PCDH15: variants seen among roughly 807,000 people sequenced by gnomAD.
The protein encoded by PCDH15 is protocadherin related 15.
A neutral mutation model predicts 178.5 loss-of-function variants in PCDH15; 129 were observed. That is an observed-to-expected ratio of 0.72 (90% CI 0.63 to 0.84). The LOEUF is 0.84. PCDH15 is among the 40% of genes least tolerant of loss of function. The pLI is 0.00. For missense variants in PCDH15, 2,230 were observed against 2,099.9 expected, an observed-to-expected ratio of 1.06 and a Z score of -1.21; for synonymous variants, 800 against 732.0, an observed-to-expected ratio of 1.09 and a Z score of -1.50.
At chr10:54,811,025 T>A (rs534032694) in intron 3 of PCDH15, among the ~76,000 whole-genome samples, 1 of 152,208 alleles carries the variant, frequency 6.6e-6, no homozygotes, top group Admixed American at 6.5e-5. Context: ...AGTAATCCAT[T>A]ATGCATCTAT....
At chr10:54,046,008 A>C (rs2093647364) in intron 18 of PCDH15, among the ~76,000 whole-genome samples, 1 of 152,278 alleles carries the variant, frequency 6.6e-6, no homozygotes, top group African/African-American at 2.4e-5. Flanking sequence ...AAGAAAACAC[A>C]TTTACTCCAA....
chr10:55,345,961 CA>C (rs2131960643), intron 2 of PCDH15, among the ~76,000 whole-genome samples: 1 of 152,000 alleles, frequency 6.6e-6, no homozygotes, highest in African/African-American at 2.4e-5. Flanking sequence ...AACCTATGAA[CA>C]AACACTGGTA....
intron 1 of PCDH15, among the ~76,000 whole-genome samples, chr10:55,176,941 C>T: frequency 6.6e-6 from 1 of 152,094 alleles, no homozygotes; most frequent in African/African-American, 2.4e-5. Flanking sequence ...TCTCTTTATC[C>T]ACAATTTAAA....
intron 1 of PCDH15, among the ~76,000 whole-genome samples, chr10:55,278,901 C>T (rs1222184601): frequency 2.0e-5 from 3 of 152,230 alleles, no homozygotes; most frequent in Middle Eastern, 3.4e-3. Context: ...GTGTACAAAG[C>T]CTCAGGCAAA....
intron 2 of PCDH15, among the ~76,000 whole-genome samples, chr10:55,345,393 G>A (rs1239928783): frequency 6.6e-6 from 1 of 151,824 alleles, no homozygotes; most frequent in Non-Finnish European, 1.5e-5. Context: ...CTCTCAAAGT[G>A]CCATCCATCA....
intron 25 of PCDH15, among the ~76,000 whole-genome samples, chr10:53,913,915 C>A (rs573670370): frequency 3.3e-5 from 5 of 152,096 alleles, no homozygotes; most frequent in South Asian, 2.1e-4. Context: ...ACAAACTTAC[C>A]AGAAAAAATC....
chr10:53,808,456 A>C (rs2075739361), intron 37 of PCDH15: 12 of 1,305,898 alleles, frequency 9.2e-6, no homozygotes, highest in Non-Finnish European at 1.2e-5. Flanking sequence ...AGCTGATTGC[A>C]TGTGTTCTGA....
At chr10:53,877,869 C>T (rs7073930) in intron 26 of PCDH15, among the ~76,000 whole-genome samples, 96,753 of 151,852 alleles carry the variant, frequency 0.64, 31,530 homozygotes, top group Middle Eastern at 0.78. Flanking sequence ...GCCAAGCTTA[C>T]ACTGGCCAAT....
chr10:54,806,840 G>C (rs1342842560), intron 3 of PCDH15, among the ~76,000 whole-genome samples: 1 of 152,076 alleles, frequency 6.6e-6, no homozygotes, highest in Non-Finnish European at 1.5e-5. Context: ...AGGCATTAGC[G>C]GCTCCTCTTA....
intron 28 of PCDH15, among the ~76,000 whole-genome samples, chr10:53,841,492 C>T (rs1038022146): frequency 6.6e-6 from 1 of 151,974 alleles, no homozygotes; most frequent in Non-Finnish European, 1.5e-5. Flanking sequence ...AAAGTATATT[C>T]CCTTAAGAGT....
At position 55,442,164 on chromosome 10, in the gene PCDH15, G is replaced by A. The variant is rs186310113; in HGVS notation, c.-156+185461C>T. 5.9e-5 allele frequency among the ~76,000 whole-genome samples: 9 copies of A among 152,002 alleles called. No individual in the cohort carries two copies. In the East Asian group the frequency reaches 1.7e-3, roughly 29 times the overall value. On this transcript the variant is annotated intron_variant, in intron 2 of 5. Transcript: ENST00000613346. ...AGGAAACTAATAGGTACCTAACCCT[G>A]CGAAAAGTGGAAAGAAAAGAGAACT...
At chr10:54,556,626 C>CT (rs34614504) in intron 2 of PCDH15, among the ~76,000 whole-genome samples, 164 of 133,420 alleles carry the variant, frequency 1.2e-3, no homozygotes, top group African/African-American at 4.1e-3. Flanking sequence ...TTTTAAGAGA[C>CT]TTTTTTTTTT....
intron 2 of PCDH15, among the ~76,000 whole-genome samples, chr10:55,097,781 A>C (rs1462726805): frequency 6.6e-6 from 1 of 152,112 alleles, no homozygotes; most frequent in African/African-American, 2.4e-5. Context: ...TTTCCTCAGA[A>C]AATTATCCTA....
Position 54,079,380 on chromosome 10 carries a change from G to C in PCDH15, c.2042C>G (p.Thr681Ser), listed in dbSNP as rs773180791. 6.2e-7 allele frequency: 1 copy of C among 1,614,114 alleles called. No individual in the cohort carries two copies. Among genetic ancestry groups the C allele is most frequent in the East Asian group, 2.2e-5 (1 of 44,874 alleles). Residue 681 changes from threonine (T) to serine (S), a missense_variant, in exon 17 of 38, where the codon ACT (threonine) becomes AGT (serine). Physicochemically the swap from Thr to Ser is moderately conservative, Grantham distance 58 (BLOSUM62 1). Transcript: ENST00000644397. ...TLGKALDRES[T>S]DRYILIITAS... is the part of the protein sequence containing the mutation. ...TGTGATGATCAGAATGTAGCGATCA[G>C]TGCTTTCCCTGTCCAGTGCTTTCCC... is the stretch of plus-strand genomic sequence containing the variant.
intron 13 of PCDH15, among the ~76,000 whole-genome samples, chr10:54,178,965 T>C (rs2133743795): frequency 6.6e-6 from 1 of 152,256 alleles, no homozygotes; most frequent in African/African-American, 2.4e-5. Context: ...TTTACACTGT[T>C]GGTGGGATTG....
chr10:53,993,293 A>G (rs764210554), intron 21 of PCDH15, among the ~76,000 whole-genome samples: 1 of 152,234 alleles, frequency 6.6e-6, no homozygotes, highest in Non-Finnish European at 1.5e-5. Flanking sequence ...AATACAGAAT[A>G]AACGTTTATT....
At chr10:55,328,913 CAT>C (rs56104592) in intron 2 of PCDH15, among the ~76,000 whole-genome samples, 15,923 of 110,534 alleles carry the variant, frequency 0.14, 981 homozygotes, top group South Asian at 0.22. Flanking sequence ...TTCACACAAA[CAT>C]ATATATATAT....
chr10:54,796,282 G>GTATCTATGTATCTATC lies in PCDH15; in HGVS notation c.-29+4642_-29+4643insGATAGATACATAGATA, dbSNP rs752443728. Among the ~76,000 whole-genome samples, 315 of 126,382 alleles carry GTATCTATGTATCTATC rather than the reference G, an allele frequency of 2.5e-3. 1 individual carries two copies. The highest frequency in any genetic ancestry group is 8.1e-3 in the Middle Eastern group (2 of 246). 82.9% of individuals were successfully genotyped at this position (126,382 alleles called of 152,430 possible). ...TCTATCTATCTATCTATGTATCTATGTATCTATCTATCTATCTATCTATCT... is the reference window on the plus strand; with the variant it reads ...TCTATCTATCTATCTATGTATCTATGTATCTATGTATCTATCTATCTATCTATCTATCTATCTATCT... On this transcript the variant is annotated intron_variant, in intron 1 of 37. Transcript: ENST00000644397.
At chr10:54,507,640 G>T (rs1363236331) in intron 3 of PCDH15, among the ~76,000 whole-genome samples, 1 of 151,924 alleles carries the variant, frequency 6.6e-6, no homozygotes, top group African/African-American at 2.4e-5. Context: ...TGGTGGATAT[G>T]TTTGTTATTG....
Sources: gnomAD v4.1 joint callset for allele counts (sites outside exome capture counted in the v4.1 genomes callset) on GRCh38, gnomAD v4.1.1 for gene constraint, MANE v1.5 for transcripts, NCBI Gene and HGNC (gene_info 2026-07-23, HGNC 2026-07-21) for gene names.